UGT2B15: variants seen among roughly 807,000 people sequenced by gnomAD.
UGT2B15 encodes the protein UDP-glucuronosyltransferase 2B15.
Under a neutral mutation model 45.9 loss-of-function variants are expected in UGT2B15, and 36 were observed. The ratio of observed to expected loss-of-function variants is 0.78; its 90% CI spans 0.60 to 1.04. UGT2B15 has a LOEUF of 1.04. UGT2B15 is among the 50% of genes least tolerant of loss of function. The pLI is 0.00. For synonymous variants in UGT2B15, 219 were observed against 216.4 expected, an observed-to-expected ratio of 1.01 and a Z score of -0.11; for missense variants, 617 against 622.4, an observed-to-expected ratio of 0.99 and a Z score of 0.09.
At chr4:68,669,755 A>T in intron 1 of UGT2B15, 140 bp downstream of exon 1, 1 of 1,253,426 alleles carries the variant, frequency 8.0e-7, no homozygotes, top group Non-Finnish European at 1.1e-6. Context: ...AATATTTTTG[A>T]GACTGATAGA....
chr4:68,666,585 T>C (rs1469297112), intron 2 of UGT2B15, among the ~76,000 whole-genome samples: 1 of 151,904 alleles, frequency 6.6e-6, no homozygotes, highest in African/African-American at 2.4e-5. Context: ...TAAATGATCT[T>C]TACATTTTAC....
intron 3 of UGT2B15, among the ~76,000 whole-genome samples, chr4:68,657,961 T>G (rs1415274220): frequency 4.6e-5 from 7 of 152,078 alleles, no homozygotes; most frequent in African/African-American, 7.2e-5. Context: ...TTATTTTCCT[T>G]CCAGCACACC....
At chr4:68,651,410 TC>T (rs1732651554) in intron 5 of UGT2B15, among the ~76,000 whole-genome samples, 2 of 152,240 alleles carry the variant, frequency 1.3e-5, no homozygotes, top group Middle Eastern at 3.4e-3. Flanking sequence ...TAATAGGGAA[TC>T]CTTTCCCCAT....
intron 1 of UGT2B15, among the ~76,000 whole-genome samples, chr4:68,669,313 T>C (rs1733232038): frequency 6.6e-6 from 1 of 152,142 alleles, no homozygotes; most frequent in South Asian, 2.1e-4. Flanking sequence ...TTTCAGTTTT[T>C]GAAAGAAATA....
chr4:68,654,977 T>A lies in UGT2B15; in HGVS notation c.1093+118A>T, dbSNP rs896399209. 264 of 1,285,188 alleles carry A rather than the reference T, an allele frequency of 2.1e-4. 1 individual carries two copies. The highest frequency in any genetic ancestry group is 5.2e-4 in the Middle Eastern group (2 of 3,810). The allele number at this position is 1,285,188 out of a possible 1,614,324, so 79.6% of individuals were successfully genotyped here. On this transcript the variant is annotated intron_variant, in intron 4 of 5. Transcript: ENST00000338206. ...GAAAATAAATATAAAGTAGTTAAAT[T>A]TGATTTGTTTTTTAGTTTTCCAATA...
At chr4:68,658,232 T>C (rs1732867870) in intron 3 of UGT2B15, among the ~76,000 whole-genome samples, 1 of 152,006 alleles carries the variant, frequency 6.6e-6, no homozygotes, top group African/African-American at 2.4e-5. Flanking sequence ...CACAGTGTTT[T>C]ATTACTGAAA....
At chr4:68,661,272 G>A (rs1185046143) in intron 3 of UGT2B15, among the ~76,000 whole-genome samples, 1 of 151,976 alleles carries the variant, frequency 6.6e-6, no homozygotes. Flanking sequence ...ATATCTGATT[G>A]CCTCCTTGGA....
chr4:68,651,026 A>ATTTT (rs1732638719), intron 5 of UGT2B15, among the ~76,000 whole-genome samples: 1 of 109,404 alleles, frequency 9.1e-6, no homozygotes, highest in Non-Finnish European at 2.1e-5. Flanking sequence ...AATTTGTTTA[A>ATTTT]CTTTCTTGTA....
chr4:68,664,312 C>A (rs1413244094), intron 2 of UGT2B15, among the ~76,000 whole-genome samples: 1 of 151,080 alleles, frequency 6.6e-6, no homozygotes, highest in African/African-American at 2.4e-5. Context: ...AATGTAGACC[C>A]ATAAGTTTCC....
intron 5 of UGT2B15, among the ~76,000 whole-genome samples, chr4:68,651,850 T>TA (rs1732664711): frequency 6.6e-6 from 1 of 152,102 alleles, no homozygotes; most frequent in African/African-American, 2.4e-5. Flanking sequence ...GCCTTGGTTA[T>TA]ATGGGCTCTT....
At position 68,667,915 on chromosome 4, in the gene UGT2B15, A is replaced by G. The variant is rs897614104; in HGVS notation, c.873+125T>C. The G allele has an allele frequency of 4.7e-5, 67 of 1,437,794 alleles. No homozygotes were observed. In the African/African-American group the frequency reaches 8.6e-4, roughly 19 times the overall value. The allele number at this position is 1,437,794 out of a possible 1,614,324, so 89.1% of individuals were successfully genotyped here. A position where few individuals can be genotyped will look rare whatever the true frequency, so the allele number is the denominator to read the frequency against. On this transcript the variant is annotated intron_variant, in intron 2 of 5. Coordinates refer to ENST00000338206, the MANE Select transcript of UGT2B15 (RefSeq NM_001076.4). ...TACTACAGAAATATATGATTTTCTA[A>G]TGGCAAGTCCTTGTTTTTGACCTCC...
chr4:68,649,019 A>G (rs1391714577), intron 5 of UGT2B15, among the ~76,000 whole-genome samples: 1 of 151,836 alleles, frequency 6.6e-6, no homozygotes, highest in Non-Finnish European at 1.5e-5. Flanking sequence ...TTTTTGTTGG[A>G]TGTATACTTG....
intron 3 of UGT2B15, among the ~76,000 whole-genome samples, chr4:68,660,930 G>A (rs1248035832): frequency 1.3e-5 from 2 of 151,684 alleles, no homozygotes; most frequent in Non-Finnish European, 2.9e-5. Context: ...CAGAGTAATG[G>A]GCCTATATTA....
chr4:68,659,466 T>C (rs958435883), intron 3 of UGT2B15, among the ~76,000 whole-genome samples: 1 of 152,012 alleles, frequency 6.6e-6, no homozygotes, highest in Non-Finnish European at 1.5e-5. Context: ...GTGTTTGGTC[T>C]TTTTGAGCTG....
chr4:68,650,897 C>A (rs538214870), intron 5 of UGT2B15, among the ~76,000 whole-genome samples: 1 of 151,392 alleles, frequency 6.6e-6, no homozygotes, highest in Non-Finnish European at 1.5e-5. Flanking sequence ...CTCTAATGAT[C>A]AGTGATATTG....
At chr4:68,666,984 T>C (rs747940052) in intron 2 of UGT2B15, among the ~76,000 whole-genome samples, 6 of 151,802 alleles carry the variant, frequency 4.0e-5, no homozygotes, top group Non-Finnish European at 8.8e-5. Context: ...TGACCTCAGG[T>C]GATCCACCTG....
At chr4:68,661,762 C>G (rs1284389968) in intron 3 of UGT2B15, among the ~76,000 whole-genome samples, 1 of 152,104 alleles carries the variant, frequency 6.6e-6, no homozygotes, top group African/African-American at 2.4e-5. Context: ...CAAATTCAGA[C>G]TATTATCAGT....
chr4:68,656,361 A>T (rs1433066115), intron 3 of UGT2B15, among the ~76,000 whole-genome samples: 2 of 149,904 alleles, frequency 1.3e-5, no homozygotes, highest in African/African-American at 2.5e-5. Flanking sequence ...TCTCCTTACC[A>T]TTACAGTGCT....
intron 5 of UGT2B15, among the ~76,000 whole-genome samples, chr4:68,649,616 T>TAC (rs571969406): frequency 8.4e-4 from 128 of 151,888 alleles, no homozygotes; most frequent in African/African-American, 3.0e-3. Flanking sequence ...ATTTTCTGTC[T>TAC]ACACACACAC....
Sources: gnomAD v4.1 joint callset for allele counts (sites outside exome capture counted in the v4.1 genomes callset) on GRCh38, gnomAD v4.1.1 for gene constraint, MANE v1.5 for transcripts, NCBI Gene and HGNC (gene_info 2026-07-23, HGNC 2026-07-21) for gene names.